MACROD2: variants seen among roughly 807,000 people sequenced by gnomAD.
MACROD2 encodes mono-ADP ribosylhydrolase 2.
Under a neutral mutation model 70.4 loss-of-function variants are expected in MACROD2, and 36 were observed. The ratio of observed to expected loss-of-function variants is 0.51; its 90% CI spans 0.39 to 0.68. The LOEUF (loss-of-function observed/expected upper bound fraction) is 0.68, where lower values mean the gene tolerates loss of function less well. MACROD2 is among the 30% of genes least tolerant of loss of function. MACROD2 has a pLI of 0.00. For missense variants in MACROD2, 496 were observed against 538.4 expected, an observed-to-expected ratio of 0.92 and a Z score of 0.78; for synonymous variants, 172 against 178.8, an observed-to-expected ratio of 0.96 and a Z score of 0.30.
At chr20:14,861,783 G>T (rs1286163210) in intron 5 of MACROD2, among the ~76,000 whole-genome samples, 1 of 149,270 alleles carries the variant, frequency 6.7e-6, no homozygotes, top group Non-Finnish European at 1.5e-5. Flanking sequence ...ATGACCTCCC[G>T]AAGGGCTAAC....
intron 8 of MACROD2, among the ~76,000 whole-genome samples, chr20:15,669,654 G>A (rs890153709): frequency 1.8e-4 from 27 of 152,214 alleles, no homozygotes; most frequent in African/African-American, 6.0e-4. Context: ...AGGGAATGGA[G>A]AGAACGGGTA....
intron 5 of MACROD2, among the ~76,000 whole-genome samples, chr20:14,730,131 G>A (rs976151554): frequency 1.3e-5 from 2 of 152,126 alleles, no homozygotes; most frequent in Non-Finnish European, 2.9e-5. Flanking sequence ...ATGAAGAGAT[G>A]TGGAGGGTGT....
At chr20:15,757,910 T>G (rs1313936696) in intron 8 of MACROD2, among the ~76,000 whole-genome samples, 3 of 152,148 alleles carry the variant, frequency 2.0e-5, no homozygotes, top group African/African-American at 4.8e-5. Context: ...AACTTCAACA[T>G]AAGAATTTTG....
rs138886279 is a variant in MACROD2, at chr20:15,980,242, G to A, written c.986-6485G>A. Among the ~76,000 whole-genome samples, 701 of 152,322 alleles carry A rather than the reference G, an allele frequency of 4.6e-3. 1 individual carries two copies. The highest frequency in any genetic ancestry group is 0.016 in the African/African-American group (673 of 41,572). On this transcript the variant is annotated intron_variant, in intron 13 of 17. Coordinates refer to ENST00000684519, the MANE Select transcript of MACROD2 (RefSeq NM_001351661.2). ...CAGGCCCAGGCCTGGTTTCGGGCCT[G>A]GTGCAGGGCTGCCTGTCTTTGATTT...
chr20:15,021,110 A>ATACACGTGTATATGTATACACATG lies in MACROD2; in HGVS notation c.419-208829_419-208828insACACGTGTATATGTATACACATGT, dbSNP rs2075168127. On this transcript the variant is annotated intron_variant, in intron 5 of 17. Coordinates refer to ENST00000684519, the MANE Select transcript of MACROD2 (RefSeq NM_001351661.2). ...TACACGTGTATGTGTATACACGTGT[A>ATACACGTGTATATGTATACACATG]TGTGTATACACGTGTGTATACACAT... Among the ~76,000 whole-genome samples, 5 of 93,098 alleles carry ATACACGTGTATATGTATACACATG rather than the reference A, an allele frequency of 5.4e-5. 1 individual carries two copies. Among genetic ancestry groups the ATACACGTGTATATGTATACACATG allele is most frequent in the African/African-American group, 1.8e-4 (4 of 21,938 alleles). The allele number at this position is 93,098 out of a possible 152,430, so 61.1% of individuals were successfully genotyped here.
intron 3 of MACROD2, among the ~76,000 whole-genome samples, chr20:14,346,093 C>CAAAAAAAAAA (rs71190130): frequency 9.7e-5 from 4 of 41,172 alleles, no homozygotes; most frequent in Non-Finnish European, 1.2e-4. Flanking sequence ...GATTCTGCCT[C>CAAAAAAAAAA]AAAAAAAAAA....
intron 5 of MACROD2, among the ~76,000 whole-genome samples, chr20:15,108,683 C>A (rs868559725): frequency 6.6e-6 from 1 of 152,014 alleles, no homozygotes; most frequent in African/African-American, 2.4e-5. Flanking sequence ...AATCTATTAC[C>A]TTTATTTTGA....
chr20:15,761,846 A>G (rs1194236838), intron 8 of MACROD2, among the ~76,000 whole-genome samples: 2 of 152,246 alleles, frequency 1.3e-5, no homozygotes, highest in African/African-American at 4.8e-5. Flanking sequence ...CCCAGTAATG[A>G]CTGCAGGAAG....
intron 6 of MACROD2, among the ~76,000 whole-genome samples, chr20:15,395,908 A>G (rs1170741319): frequency 6.6e-6 from 1 of 152,196 alleles, no homozygotes; most frequent in Non-Finnish European, 1.5e-5. Flanking sequence ...ATGTAATGCC[A>G]TGGTATTACA....
At chr20:14,860,120 G>C (rs950905837) in intron 5 of MACROD2, among the ~76,000 whole-genome samples, 1 of 152,130 alleles carries the variant, frequency 6.6e-6, no homozygotes. Context: ...CTCATAGCAG[G>C]AGGGAGACCA....
At chr20:14,629,955 C>A (rs764753692) in intron 4 of MACROD2, among the ~76,000 whole-genome samples, 4 of 122,088 alleles carry the variant, frequency 3.3e-5, no homozygotes, top group Admixed American at 2.4e-4. Context: ...GTGCTAAGGT[C>A]TATCTATCTA....
chr20:14,815,101 C>G (rs2072759068), intron 5 of MACROD2, among the ~76,000 whole-genome samples: 1 of 151,974 alleles, frequency 6.6e-6, no homozygotes, highest in Admixed American at 6.6e-5. Context: ...AGAGAGGAAG[C>G]TTTATGACTC....
chr20:15,662,236 T>G (rs2049832059), intron 8 of MACROD2, among the ~76,000 whole-genome samples: 2 of 152,252 alleles, frequency 1.3e-5, no homozygotes, highest in South Asian at 4.1e-4. Context: ...AATACTAAAA[T>G]GCCCTTTCCT....
At chr20:14,570,620 G>A (rs1206048352) in intron 4 of MACROD2, among the ~76,000 whole-genome samples, 1 of 151,894 alleles carries the variant, frequency 6.6e-6, no homozygotes, top group Non-Finnish European at 1.5e-5. Flanking sequence ...AAATTTGGGA[G>A]TCAAAGTTTT....
At chr20:15,477,099 GTTTTTTTT>G (rs371999407) in intron 7 of MACROD2, among the ~76,000 whole-genome samples, 20 of 115,394 alleles carry the variant, frequency 1.7e-4, no homozygotes, top group African/African-American at 6.1e-4. Context: ...TCTATTTTTA[GTTTTTTTT>G]TTTTTTTTTT....
intron 7 of MACROD2, among the ~76,000 whole-genome samples, chr20:15,468,002 T>G (rs1380656313): frequency 6.6e-6 from 1 of 152,234 alleles, no homozygotes; most frequent in Non-Finnish European, 1.5e-5. Context: ...TGGCTATATG[T>G]CAGAAAGCAG....
chr20:14,858,537 T>A (rs911310576), intron 5 of MACROD2, among the ~76,000 whole-genome samples: 1 of 152,144 alleles, frequency 6.6e-6, no homozygotes, highest in Admixed American at 6.5e-5. Flanking sequence ...GATTTTGGAA[T>A]GATACAGTTA....
At position 14,705,207 on chromosome 20, in the gene MACROD2, C is replaced by T. The variant is rs1314740902; in HGVS notation, c.418+20248C>T. On this transcript the variant is annotated intron_variant, in intron 5 of 17. Coordinates refer to ENST00000684519, the MANE Select transcript of MACROD2 (RefSeq NM_001351661.2). ...GATCTCTAGGCGTGTTTATTCTACC[C>T]GTCTGTTACTTTGTATCCTTTGAGC... Among the ~76,000 whole-genome samples, 7 of 152,094 alleles carry T rather than the reference C, an allele frequency of 4.6e-5. No individual in the cohort carries two copies. The South Asian group carries it at 8.3e-4, about 18-fold the overall frequency.
At position 14,594,936 on chromosome 20, in the gene MACROD2, AC is replaced by A. The variant is rs1385549741; in HGVS notation, c.302-89903del. ...ACTAAATAAATAAGAAAAGTTATCA[AC>A]CCCAAATTTCACTGCCATTATTTCA... is the stretch of plus-strand genomic sequence containing the variant. On this transcript the variant is annotated intron_variant, in intron 4 of 17. Coordinates refer to ENST00000684519, the MANE Select transcript of MACROD2 (RefSeq NM_001351661.2). Among the ~76,000 whole-genome samples, 5 of 152,062 alleles carry A rather than the reference AC, an allele frequency of 3.3e-5. No homozygotes were observed. In the East Asian group the frequency reaches 9.7e-4, roughly 29 times the overall value.
Sources: gnomAD v4.1 joint callset for allele counts (sites outside exome capture counted in the v4.1 genomes callset) on GRCh38, gnomAD v4.1.1 for gene constraint, MANE v1.5 for transcripts, NCBI Gene and HGNC (gene_info 2026-07-23, HGNC 2026-07-21) for gene names.